The following SLC27A5 variants were observed in gnomAD, a reference collection of about 807,000 sequenced individuals.
The protein encoded by SLC27A5 is solute carrier family 27 member 5.
Under a neutral mutation model 63.1 loss-of-function variants are expected in SLC27A5, and 47 were observed. The ratio of observed to expected loss-of-function variants is 0.74; its 90% CI spans 0.59 to 0.95. The LOEUF (loss-of-function observed/expected upper bound fraction) is 0.95. Ranked by LOEUF, SLC27A5 falls within the 40% of genes least tolerant of loss-of-function variation. The pLI is 0.00. For missense variants in SLC27A5, 940 were observed against 921.0 expected (o/e 1.02, Z -0.27); for synonymous variants, 391 against 403.8 (o/e 0.97, Z 0.38).
intron 8 of SLC27A5, 73 bp from the exon 9 acceptor site, chr19:58,498,988 C>T (rs1453353273): frequency 5.7e-6 from 9 of 1,591,142 alleles, no homozygotes; most frequent in Non-Finnish European, 7.7e-6. Context: ...CCTCGCCCAG[C>T]TCTGCTCACT....
chr19:58,499,308 A>G, intron 7 of SLC27A5, 88 bp from the exon 8 acceptor site: 4 of 1,389,162 alleles, frequency 2.9e-6, no homozygotes, highest in Non-Finnish European at 4.0e-6. Context: ...TTTGGGGATC[A>G]GGAGGCCCAG....
intron 6 of SLC27A5, 125 bp from the exon 7 acceptor site, chr19:58,499,815 C>G (rs2053253427): frequency 4.9e-6 from 4 of 818,380 alleles, no homozygotes; most frequent in Non-Finnish European, 7.6e-6. Context: ...AAGACACAGA[C>G]AGGGAGATCC....
chr19:58,503,163 C>T (rs2053303089), intron 3 of SLC27A5, among the ~76,000 whole-genome samples: 1 of 149,908 alleles, frequency 6.7e-6, no homozygotes, highest in African/African-American at 2.5e-5. Context: ...CGAGATAGCG[C>T]CACTGCACTC....
At chr19:58,504,581 G>GGGCGGGGGGGGC (rs2053321548) in intron 3 of SLC27A5, among the ~76,000 whole-genome samples, 1 of 121,162 alleles carries the variant, frequency 8.3e-6, no homozygotes, top group African/African-American at 3.3e-5. Context: ...CCTGGGGGGG[G>GGGCGGGGGGGGC]GGGGGGGGCG....
rs768722409 is a variant in SLC27A5, at chr19:58,498,856, C to T, written c.1825G>A (p.Gly609Arg). ...VQLAPGQTFD[G>R]EKLYQHVRAW... is the part of the protein sequence containing the mutation. Reference sequence around the variant, plus strand: ...CGAACGTGCTGGTACAACTTCTCCCCGTCGAAAGTCTGGCCGGGGGCTAGC... The same window carrying T: ...CGAACGTGCTGGTACAACTTCTCCCTGTCGAAAGTCTGGCCGGGGGCTAGC... Residue 609 changes from glycine to arginine, a missense_variant, in exon 9 of 10, where the codon GGG becomes AGG. Physicochemically the swap from Gly to Arg is moderately radical, Grantham distance 125. Transcript: ENST00000263093. The T allele has an allele frequency of 1.9e-6, 3 of 1,613,942 alleles. No individual in the cohort carries two copies. The highest frequency in any genetic ancestry group is 1.6e-4 in the Middle Eastern group (1 of 6,062).
chr19:58,502,538 G>C (rs1329217270), intron 3 of SLC27A5, among the ~76,000 whole-genome samples: 1 of 75,262 alleles, frequency 1.3e-5, no homozygotes, highest in Non-Finnish European at 3.5e-5. Flanking sequence ...TGAACAGTTA[G>C]AGTAGTGAGT....
chr19:58,498,783 AC>A lies in SLC27A5; in HGVS notation c.1896+1del. 2 of 1,613,698 alleles carry A rather than the reference AC, an allele frequency of 1.2e-6. No individual in the cohort carries two copies. The highest frequency in any genetic ancestry group is 1.7e-6 in the Non-Finnish European group (2 of 1,179,800). On this transcript the variant is annotated splice_donor_variant, in intron 9 of 9. Transcript: ENST00000263093. LOFTEE classifies it high-confidence loss of function. Reference sequence around the variant, plus strand: ...CCACCCACCAGGCCACCCTGGGCTCACCTGGATGCGGATGAAATGGGGGGTA... The same window carrying A: ...CCACCCACCAGGCCACCCTGGGCTCACTGGATGCGGATGAAATGGGGGGTA...
intron 8 of SLC27A5, 21 bp from the exon 9 acceptor site, chr19:58,498,936 T>C: frequency 1.2e-6 from 2 of 1,606,228 alleles, no homozygotes; most frequent in Non-Finnish European, 8.5e-7. Context: ...GTCTGGTCAC[T>C]CTCGGCTGAC....
chr19:58,506,817 C>A (rs2053353083), intron 3 of SLC27A5, among the ~76,000 whole-genome samples: 1 of 151,906 alleles, frequency 6.6e-6, no homozygotes, highest in Non-Finnish European at 1.5e-5. Flanking sequence ...CCATGTTGGC[C>A]AGGCTGGTCT....
chr19:58,502,992 G>A (rs144310462), intron 3 of SLC27A5, among the ~76,000 whole-genome samples: 96 of 151,990 alleles, frequency 6.3e-4, no homozygotes, highest in African/African-American at 2.2e-3. Context: ...GGATCACGAG[G>A]TCAGGAGATC....
intron 2 of SLC27A5, 46 bp from the exon 3 acceptor site, chr19:58,510,051 C>T: frequency 6.3e-7 from 1 of 1,587,662 alleles, no homozygotes; most frequent in Non-Finnish European, 8.6e-7. Flanking sequence ...CATGACAGCA[C>T]AGAGAGGGGC....
chr19:58,499,809 C>A, intron 6 of SLC27A5, 119 bp from the exon 7 acceptor site: 1 of 894,602 alleles, frequency 1.1e-6, no homozygotes, highest in Non-Finnish European at 1.7e-6. Flanking sequence ...GACCCAAAGA[C>A]ACAGACAGGG....
At chr19:58,500,980 G>A in intron 4 of SLC27A5, 3 of 1,325,798 alleles carry the variant, frequency 2.3e-6, no homozygotes, top group Non-Finnish European at 2.9e-6. Context: ...TCACCTAAGA[G>A]TAGTTACCTA....
At chr19:58,500,845 T>C in intron 4 of SLC27A5, 139 bp from the exon 5 acceptor site, 2 of 1,451,194 alleles carry the variant, frequency 1.4e-6, no homozygotes, top group Non-Finnish European at 1.8e-6. Flanking sequence ...ACCTAAGGGA[T>C]CTACCTGGGT....
Position 58,500,545 on chromosome 19 carries a change from G to A in SLC27A5, c.1344C>T (p.Cys448=), listed in dbSNP as rs751497720. The part of the protein sequence containing the change: ...NMGLVNYVGR[C]GALGKMSCLL... ...GGCAGCTCATCTTGCCCAGGGCCCC[G>A]CAGCGCCCCACATAGTTGACTAAGC... The change falls in exon 5 of 10, where the codon TGC becomes TGT. Residue 448 remains cysteine, a synonymous_variant. Coordinates refer to ENST00000263093, the MANE Select transcript of SLC27A5 (RefSeq NM_012254.3). The A allele has an allele frequency of 8.1e-6, 13 of 1,613,902 alleles. No homozygotes were observed. In the South Asian group the frequency reaches 9.9e-5, roughly 12 times the overall value.
intron 3 of SLC27A5, among the ~76,000 whole-genome samples, chr19:58,503,231 A>G (rs1181580594): frequency 6.6e-6 from 1 of 150,620 alleles, no homozygotes; most frequent in Non-Finnish European, 1.5e-5. Context: ...AAAAAGAGAA[A>G]GATGGATAGG....
rs1214359407 is a variant in SLC27A5, at chr19:58,499,206, T to C, written c.1682A>G (p.Asn561Ser). The C allele has an allele frequency of 6.2e-7, 1 of 1,613,672 alleles. No homozygotes were observed. Among genetic ancestry groups the C allele is most frequent in the African/African-American group, 1.3e-5 (1 of 74,936 alleles). The change falls in exon 8 of 10, where the codon AAC becomes AGC. Residue 561 changes from asparagine (N) to serine (S), a missense_variant. Coordinates refer to ENST00000263093, the MANE Select transcript of SLC27A5 (RefSeq NM_012254.3). ...LGDTFRWKGE[N>S]VSTHEVEGVL... Reference sequence around the variant, plus strand: ...GCCCTCCACCTCGTGCGTGGACACGTTCTCGCCCTTCCATCTGCAAGGAGG... The same window carrying C: ...GCCCTCCACCTCGTGCGTGGACACGCTCTCGCCCTTCCATCTGCAAGGAGG...
chr19:58,499,805 A>C, intron 6 of SLC27A5, 115 bp from the exon 7 acceptor site: 1 of 934,826 alleles, frequency 1.1e-6, no homozygotes, highest in Non-Finnish European at 1.6e-6. Context: ...GACAGACCCA[A>C]AGACACAGAC....
Position 58,499,147 on chromosome 19 carries a change from T to TA in SLC27A5, c.1740dup (p.Asn581Ter), listed in dbSNP as rs745430167. On this transcript the variant is annotated frameshift_variant, in exon 8 of 10. Coordinates refer to ENST00000263093, the MANE Select transcript of SLC27A5 (RefSeq NM_012254.3). LOFTEE classifies it high-confidence loss of function. ...CCTGGCACGCACACGCCATACACGT[T>TA]AACCTGTTGCAAGAAGTCCACCTGC... The TA allele has an allele frequency of 5.6e-6, 9 of 1,613,878 alleles. No individual in the cohort carries two copies.
Sources: allele counts gnomAD v4.1 joint callset (sites outside exome capture counted in the v4.1 genomes callset), GRCh38; gene constraint gnomAD v4.1.1; transcripts MANE v1.5; gene names NCBI Gene and HGNC (gene_info 2026-07-23, HGNC 2026-07-21).